TULP4: variants seen among roughly 807,000 people sequenced by gnomAD.
TULP4 encodes the protein TUB like protein 4.
Under a neutral mutation model 129.0 loss-of-function variants are expected in TULP4, and 16 were observed. The ratio of observed to expected loss-of-function variants is 0.12; its 90% CI spans 0.08 to 0.19. The LOEUF (loss-of-function observed/expected upper bound fraction) is 0.19. TULP4 is among the 10% of genes least tolerant of loss of function. TULP4 has a pLI of 1.00. For missense variants in TULP4, 1,842 were observed against 2,059.1 expected (o/e 0.89, Z 2.04); for synonymous variants, 998 against 854.0 (o/e 1.17, Z -2.94).
At chr6:158,359,108 G>T (rs953975978) in intron 1 of TULP4, among the ~76,000 whole-genome samples, 1 of 152,162 alleles carries the variant, frequency 6.6e-6, no homozygotes, top group African/African-American at 2.4e-5. Flanking sequence ...GGAAGATTCT[G>T]CCCCTAATTT....
intron 6 of TULP4, among the ~76,000 whole-genome samples, chr6:158,471,870 T>C (rs1478279411): frequency 6.6e-6 from 1 of 152,236 alleles, no homozygotes; most frequent in Non-Finnish European, 1.5e-5. Context: ...TTTGAACCTG[T>C]AGGCTGTGTC....
intron 1 of TULP4, among the ~76,000 whole-genome samples, chr6:158,271,540 C>CTCCCACCTCAGCCTCTGAGTAGCTGG (rs1481616511): frequency 8.7e-4 from 132 of 152,062 alleles, no homozygotes; most frequent in African/African-American, 3.0e-3. Context: ...TCAGGCGATC[C>CTCCCACCTCAGCCTCTGAGTAGCTGG]TCCCACCTCA....
Position 158,503,022 on chromosome 6 carries a change from C to G in TULP4, c.3359C>G (p.Pro1120Arg), listed in dbSNP as rs752540841. ...PEAAVTLKRP[P>R]PYQWDPMLGE... ...GCTGCTGTCACCCTGAAACGGCCAC[C>G]CCCTTACCAGTGGGACCCCATGCTG... Residue 1120 changes from proline (P) to arginine (R), a missense_variant, in exon 13 of 14, where the codon CCC (proline) becomes CGC (arginine). Physicochemically the swap from Pro to Arg is moderately radical, Grantham distance 103 (BLOSUM62 -2). This residue lies in a region of TULP4 where 1,089 missense variants were observed against 987.1 expected (regional missense o/e 1.10). Coordinates refer to ENST00000367097, the MANE Select transcript of TULP4 (RefSeq NM_020245.5). This position sits in a 1 kb window ranked among gnomAD's most constrained non-coding sequence, Gnocchi z 4.3. 1.1e-5 allele frequency: 17 copies of G among 1,614,042 alleles called. No individual in the cohort carries two copies. In the Admixed American group the frequency reaches 2.3e-4, roughly 22 times the overall value.
intron 1 of TULP4, among the ~76,000 whole-genome samples, chr6:158,351,446 A>G (rs888600621): frequency 2.6e-5 from 4 of 152,182 alleles, no homozygotes; most frequent in Non-Finnish European, 5.9e-5. Context: ...AAATTAATCA[A>G]AAGTTGAATA....
Position 158,459,447 on chromosome 6 carries a change from G to C in TULP4, c.860-2116G>C, listed in dbSNP as rs1779371773. The stretch of plus-strand genomic sequence containing the variant: ...CTCTGTCTCAAAAAAAAAAAAAGAA[G>C]TCCCTGAGAGTTTGCTTGTAAACAT... On this transcript the variant is annotated intron_variant, in intron 5 of 13. Transcript: ENST00000367097. 2.7e-5 allele frequency among the ~76,000 whole-genome samples: 4 copies of C among 148,402 alleles called. No homozygotes were observed. In the East Asian group the frequency reaches 7.9e-4, roughly 29 times the overall value.
intron 1 of TULP4, among the ~76,000 whole-genome samples, chr6:158,272,487 G>GGCAGAGGAACAA (rs1414258310): frequency 6.6e-6 from 1 of 152,134 alleles, no homozygotes; most frequent in Non-Finnish European, 1.5e-5. Context: ...GGCCAGCCAA[G>GGCAGAGGAACAA]GCAGAGGAAC....
chr6:158,370,180 G>C (rs953698645), intron 1 of TULP4, among the ~76,000 whole-genome samples: 2 of 152,046 alleles, frequency 1.3e-5, no homozygotes, highest in African/African-American at 4.8e-5. Context: ...CCACTGGCCC[G>C]GCATGGTGGC....
intron 3 of TULP4, among the ~76,000 whole-genome samples, chr6:158,444,249 T>A (rs2115114288): frequency 8.4e-6 from 1 of 119,318 alleles, no homozygotes; most frequent in East Asian, 2.8e-4. Flanking sequence ...AAAAAAAATT[T>A]TTTTTTTTTT....
chr6:158,349,216 G>C (rs1190415293), intron 1 of TULP4, among the ~76,000 whole-genome samples: 1 of 139,592 alleles, frequency 7.2e-6, no homozygotes, highest in Non-Finnish European at 1.7e-5. Flanking sequence ...AGACGGGGTG[G>C]CCGGGCAGAG....
At chr6:158,420,400 T>C (rs1028921115) in intron 2 of TULP4, among the ~76,000 whole-genome samples, 1 of 152,240 alleles carries the variant, frequency 6.6e-6, no homozygotes, top group African/African-American at 2.4e-5. Flanking sequence ...TCAGGCATGA[T>C]GATTATAGAC....
rs181894695 is a variant in TULP4 at position 158,350,210 on chromosome 6, G to A, written c.252+35942G>A. 5.3e-3 allele frequency among the ~76,000 whole-genome samples: 808 copies of A among 151,624 alleles called. 12 individuals carry two copies. Among genetic ancestry groups the A allele is most frequent in the African/African-American group, 0.019 (766 of 41,312 alleles). ...CTCTCCTCACTTCCTAGACAGGGTG[G>A]GGGCCAGGCAGAGGTGCTCTTCACT... On this transcript the variant is annotated intron_variant, in intron 1 of 13. Coordinates refer to ENST00000367097, the MANE Select transcript of TULP4 (RefSeq NM_020245.5).
At chr6:158,240,875 T>A (rs550949199) in intron 1 of TULP4, among the ~76,000 whole-genome samples, 64 of 146,692 alleles carry the variant, frequency 4.4e-4, no homozygotes, top group Admixed American at 1.7e-3. Context: ...CCGGACGGGG[T>A]GGCTGCCGGG....
chr6:158,440,231 C>T (rs341118), intron 3 of TULP4, among the ~76,000 whole-genome samples: 36,971 of 146,492 alleles, frequency 0.25, 5,615 homozygotes, highest in Non-Finnish European at 0.35. Context: ...GGTGGGAGGA[C>T]TGCTTGAGCC....
Position 158,318,002 on chromosome 6 carries a change from GTTGT to G in TULP4, c.252+3741_252+3744del, listed in dbSNP as rs538063667. Among the ~76,000 whole-genome samples the G allele has an allele frequency of 5.1e-3, 783 of 152,284 alleles. 4 individuals are homozygous for G. The highest frequency in any genetic ancestry group is 0.018 in the African/African-American group (741 of 41,552). On this transcript the variant is annotated intron_variant, in intron 1 of 13. Coordinates refer to ENST00000367097, the MANE Select transcript of TULP4 (RefSeq NM_020245.5). ...TATCCTTTGCCCACTTTTTGACGGG[GTTGT>G]TTGTTTCTTTCTTGTAAATTTGTTT...
chr6:158,234,040 G>C (rs1203771065), intron 1 of TULP4, among the ~76,000 whole-genome samples: 1 of 152,216 alleles, frequency 6.6e-6, no homozygotes, highest in Non-Finnish European at 1.5e-5. Context: ...TTCATACATG[G>C]AAGATGATTA....
At chr6:158,384,412 C>T (rs1264330166) in intron 1 of TULP4, among the ~76,000 whole-genome samples, 4 of 151,830 alleles carry the variant, frequency 2.6e-5, no homozygotes, top group Non-Finnish European at 5.9e-5. Context: ...CTCAGCCTCC[C>T]GAGTAGCTGG....
chr6:158,291,390 T>A (rs1443386377), intron 1 of TULP4, among the ~76,000 whole-genome samples: 2 of 152,228 alleles, frequency 1.3e-5, no homozygotes, highest in Non-Finnish European at 2.9e-5. Flanking sequence ...CCAGTGCCGC[T>A]GTTGAGATGT....
chr6:158,305,943 G>C (rs543980800), intron 1 of TULP4, among the ~76,000 whole-genome samples: 1 of 152,202 alleles, frequency 6.6e-6, no homozygotes, highest in South Asian at 2.1e-4. Flanking sequence ...ATGAGAAAAG[G>C]TAGAAAGAAA....
intron 3 of TULP4, among the ~76,000 whole-genome samples, chr6:158,442,305 G>A (rs1778915266): frequency 6.6e-6 from 1 of 152,152 alleles, no homozygotes; most frequent in African/African-American, 2.4e-5. Context: ...ATTTCAGTGT[G>A]TTTTGAAGAG....
Sources: gnomAD v4.1 joint callset for allele counts (sites outside exome capture counted in the v4.1 genomes callset) on GRCh38, gnomAD v4.1.1 for gene constraint, gnomAD v4.1.1 regional missense constraint, Gnocchi (gnomAD v3.1) non-coding constraint, MANE v1.5 for transcripts, NCBI Gene and HGNC (gene_info 2026-07-23, HGNC 2026-07-21) for gene names.